ANGPT1: variants seen among roughly 807,000 people sequenced by gnomAD.
ANGPT1 encodes angiopoietin-1.
A neutral mutation model predicts 62.2 loss-of-function variants in ANGPT1; 17 were observed. The ratio of observed to expected loss-of-function variants is 0.27; its 90% CI spans 0.19 to 0.41. The LOEUF (loss-of-function observed/expected upper bound fraction) is 0.41, where lower values mean the gene tolerates loss of function less well. Ranked by LOEUF, ANGPT1 falls within the 10% of genes least tolerant of loss-of-function variation. The pLI is 1.00. For synonymous variants in ANGPT1, 199 were observed against 198.9 expected (o/e 1.00, Z 0.00); for missense variants, 478 against 594.9 (o/e 0.80, Z 2.04).
chr8:107,352,308 G>C (rs1259233077), intron 1 of ANGPT1, among the ~76,000 whole-genome samples: 1 of 152,152 alleles, frequency 6.6e-6, no homozygotes, highest in Non-Finnish European at 1.5e-5. Flanking sequence ...ATGGTGAGAA[G>C]GCAAATATCC....
chr8:107,333,351 C>A (rs900493033), intron 3 of ANGPT1, among the ~76,000 whole-genome samples: 1 of 151,988 alleles, frequency 6.6e-6, no homozygotes, highest in Non-Finnish European at 1.5e-5. Context: ...TAATGCCATA[C>A]TTGAGGGGTC....
intron 1 of ANGPT1, among the ~76,000 whole-genome samples, chr8:107,449,234 T>A (rs1330563055): frequency 6.6e-6 from 1 of 152,138 alleles, no homozygotes; most frequent in Non-Finnish European, 1.5e-5. Flanking sequence ...GAACAAAGAA[T>A]AAAACACAGA....
chr8:107,340,853 T>A (rs1379030542), intron 2 of ANGPT1, among the ~76,000 whole-genome samples: 1 of 152,118 alleles, frequency 6.6e-6, no homozygotes, highest in African/African-American at 2.4e-5. Context: ...GGGTTATGTT[T>A]CCTTTTGCTT....
At chr8:107,426,334 G>A (rs965602165) in intron 1 of ANGPT1, among the ~76,000 whole-genome samples, 1 of 152,210 alleles carries the variant, frequency 6.6e-6, no homozygotes. Context: ...TCTCAGAGGG[G>A]TGAGCACTCT....
chr8:107,473,500 T>C (rs1413104737), intron 1 of ANGPT1, among the ~76,000 whole-genome samples: 1 of 152,034 alleles, frequency 6.6e-6, no homozygotes, highest in Non-Finnish European at 1.5e-5. Context: ...CAAATAAATA[T>C]CACTTAATGT....
At chr8:107,409,968 T>C (rs1032556231) in intron 1 of ANGPT1, among the ~76,000 whole-genome samples, 7 of 151,884 alleles carry the variant, frequency 4.6e-5, no homozygotes, top group African/African-American at 1.7e-4. Context: ...CATCCATCCA[T>C]CCATCCATCC....
chr8:107,488,877 G>A (rs1812884514), intron 1 of ANGPT1, among the ~76,000 whole-genome samples: 1 of 152,110 alleles, frequency 6.6e-6, no homozygotes, highest in Admixed American at 6.5e-5. Flanking sequence ...CAAGAACATT[G>A]TTAAAATGTT....
chr8:107,368,135 A>C (rs1816313924), intron 1 of ANGPT1, among the ~76,000 whole-genome samples: 1 of 152,242 alleles, frequency 6.6e-6, no homozygotes, highest in African/African-American at 2.4e-5. Flanking sequence ...TAAGACCAGT[A>C]AGTCAAAATT....
At chr8:107,397,912 C>T (rs999969372) in intron 1 of ANGPT1, among the ~76,000 whole-genome samples, 2 of 152,064 alleles carry the variant, frequency 1.3e-5, no homozygotes, top group South Asian at 2.1e-4. Flanking sequence ...TGTTCATACA[C>T]GGAAGGACTT....
intron 2 of ANGPT1, among the ~76,000 whole-genome samples, chr8:107,344,336 A>G (rs1246458900): frequency 6.6e-6 from 1 of 152,196 alleles, no homozygotes; most frequent in Non-Finnish European, 1.5e-5. Context: ...ACTCTTGGAA[A>G]GAGGAACTTG....
intron 1 of ANGPT1, among the ~76,000 whole-genome samples, chr8:107,355,725 T>A (rs1816030415): frequency 6.6e-6 from 1 of 152,184 alleles, no homozygotes; most frequent in Non-Finnish European, 1.5e-5. Context: ...AAGCTTTTCC[T>A]CCTCTAGGAA....
At chr8:107,486,922 C>A (rs1209669882) in intron 1 of ANGPT1, among the ~76,000 whole-genome samples, 2 of 152,164 alleles carry the variant, frequency 1.3e-5, no homozygotes, top group Non-Finnish European at 2.9e-5. Flanking sequence ...ACCTTGCAGA[C>A]CACCTTGGCT....
At position 107,419,716 on chromosome 8, in the gene ANGPT1, G is replaced by C. The variant is rs373537417; in HGVS notation, c.298-72619C>G. 1.1e-4 allele frequency among the ~76,000 whole-genome samples: 16 copies of C among 152,248 alleles called. 2 individuals are homozygous for C. Among genetic ancestry groups the C allele is most frequent in the African/African-American group, 3.4e-4 (14 of 41,562 alleles). The stretch of plus-strand genomic sequence containing the variant: ...TCCCCTACAGAGACAAGGAGAGAGA[G>C]ACAGGGAGTTAACATGCAAATCGAC... On this transcript the variant is annotated intron_variant, in intron 1 of 8. Transcript: ENST00000517746.
intron 1 of ANGPT1, among the ~76,000 whole-genome samples, chr8:107,381,299 G>T (rs1816632082): frequency 6.6e-6 from 1 of 152,176 alleles, no homozygotes; most frequent in South Asian, 2.1e-4. Flanking sequence ...AAATCAGCAG[G>T]ACTTAAAAGC....
intron 7 of ANGPT1, among the ~76,000 whole-genome samples, chr8:107,266,854 C>T (rs1387808118): frequency 1.3e-5 from 2 of 152,016 alleles, no homozygotes; most frequent in African/African-American, 4.8e-5. Context: ...ATAAGATTTA[C>T]AATCTAAGTC....
chr8:107,482,839 T>C lies in ANGPT1; in HGVS notation c.297+14423A>G, dbSNP rs371143405. ...TCTTCCTTAAAGATTCCAGAACACCTCCACTGAATGAATGGGTTGGAATGA... is the reference window on the plus strand; with the variant it reads ...TCTTCCTTAAAGATTCCAGAACACCCCCACTGAATGAATGGGTTGGAATGA... On this transcript the variant is annotated intron_variant, in intron 1 of 8. Transcript: ENST00000517746. Among the ~76,000 whole-genome samples, 10 of 152,272 alleles carry C rather than the reference T, an allele frequency of 6.6e-5. No individual in the cohort carries two copies. The South Asian group carries it at 2.1e-3, about 32-fold the overall frequency.
Position 107,436,721 on chromosome 8 carries a change from C to T in ANGPT1, c.297+60541G>A, listed in dbSNP as rs1811346398. On this transcript the variant is annotated intron_variant, in intron 1 of 8. Coordinates refer to ENST00000517746, the MANE Select transcript of ANGPT1 (RefSeq NM_001146.5). Reference sequence around the variant, plus strand: ...ACCCAACACTGACCCGTGAGGACAGCCCCTCAGATTCTGTGCTCATTTTAT... The same window carrying T: ...ACCCAACACTGACCCGTGAGGACAGTCCCTCAGATTCTGTGCTCATTTTAT... Among the ~76,000 whole-genome samples, 4 of 152,200 alleles carry T rather than the reference C, an allele frequency of 2.6e-5. No homozygotes were observed. In the South Asian group the frequency reaches 6.2e-4, roughly 24 times the overall value.
At chr8:107,388,586 G>T (rs529734761) in intron 1 of ANGPT1, among the ~76,000 whole-genome samples, 3 of 151,920 alleles carry the variant, frequency 2.0e-5, no homozygotes, top group Admixed American at 6.6e-5. Flanking sequence ...ACCCCAAACC[G>T]CCTGATTATA....
chr8:107,290,624 T>C (rs1213980496), intron 6 of ANGPT1, among the ~76,000 whole-genome samples: 1 of 152,220 alleles, frequency 6.6e-6, no homozygotes, highest in Non-Finnish European at 1.5e-5. Flanking sequence ...ATATGATGAA[T>C]ATTTTCAATT....
Sources: allele counts gnomAD v4.1 joint callset (sites outside exome capture counted in the v4.1 genomes callset), GRCh38; gene constraint gnomAD v4.1.1; transcripts MANE v1.5; gene names NCBI Gene and HGNC (gene_info 2026-07-23, HGNC 2026-07-21).